Variants in PDE10A observed in about 807,000 individuals in gnomAD.
PDE10A encodes phosphodiesterase 10A, also known as cAMP and cAMP-inhibited cGMP 3',5'-cyclic phosphodiesterase 10A.
A neutral mutation model predicts 97.7 loss-of-function variants in PDE10A; 39 were observed. The ratio of observed to expected loss-of-function variants is 0.40; its 90% CI spans 0.31 to 0.52. The LOEUF (loss-of-function observed/expected upper bound fraction) is 0.52. Among genes scored for constraint, PDE10A ranks in the 20% least tolerant of loss-of-function variants. The probability of loss-of-function intolerance (pLI) is 0.56; values close to 1 mark genes in which losing one functional copy is unlikely to be tolerated. For synonymous variants in PDE10A, 371 were observed against 376.8 expected (o/e 0.98, Z 0.18); for missense variants, 731 against 1,047.8 (o/e 0.70, Z 4.17).
At chr6:165,955,366 C>T (rs1014110770) in intron 1 of PDE10A, among the ~76,000 whole-genome samples, 1 of 152,198 alleles carries the variant, frequency 6.6e-6, no homozygotes, top group Non-Finnish European at 1.5e-5. Flanking sequence ...TTCAGTCTCC[C>T]TGTATTCAGT....
intron 1 of PDE10A, among the ~76,000 whole-genome samples, chr6:165,733,371 G>A (rs1792487706): frequency 6.6e-6 from 1 of 152,178 alleles, no homozygotes; most frequent in Non-Finnish European, 1.5e-5. Flanking sequence ...TGCTGCCCTT[G>A]TGTAAACCAG....
intron 1 of PDE10A, among the ~76,000 whole-genome samples, chr6:165,792,944 C>CGGCA (rs1778698768): frequency 6.6e-6 from 1 of 152,102 alleles, no homozygotes; most frequent in Admixed American, 6.6e-5. Flanking sequence ...GGGTCAAGGC[C>CGGCA]GGCAGGCACA....
upstream of PDE10A, among the ~76,000 whole-genome samples, chr6:165,663,943 T>C (rs1790424104): frequency 6.6e-6 from 1 of 151,952 alleles, no homozygotes; most frequent in African/African-American, 2.4e-5. Context: ...CCGCCAGAAG[T>C]TTGGGGAAGT....
chr6:165,834,456 C>T (rs1322856045), intron 1 of PDE10A, among the ~76,000 whole-genome samples: 4 of 152,178 alleles, frequency 2.6e-5, no homozygotes, highest in Admixed American at 6.5e-5. Flanking sequence ...GTATCCTTCC[C>T]GCCTGGGAGT....
At chr6:165,635,992 T>C (rs933339480) in intron 1 of PDE10A, among the ~76,000 whole-genome samples, 3 of 152,238 alleles carry the variant, frequency 2.0e-5, no homozygotes, top group African/African-American at 7.2e-5. Flanking sequence ...AGTGTTATCA[T>C]TATGTAAGCA....
intron 19 of PDE10A, among the ~76,000 whole-genome samples, chr6:165,342,096 TATC>T (rs1438888843): frequency 6.6e-5 from 10 of 152,232 alleles, no homozygotes; most frequent in Admixed American, 5.2e-4. Context: ...AATTTTAACT[TATC>T]ATAGATTTTT....
At chr6:165,568,161 G>T (rs542134601) in intron 1 of PDE10A, among the ~76,000 whole-genome samples, 1 of 151,950 alleles carries the variant, frequency 6.6e-6, no homozygotes, top group Non-Finnish European at 1.5e-5. Flanking sequence ...ACCACGCCTG[G>T]CTAATTTTTT....
intron 1 of PDE10A, among the ~76,000 whole-genome samples, chr6:165,750,421 C>T (rs1328101838): frequency 2.0e-5 from 3 of 152,186 alleles, no homozygotes; most frequent in Non-Finnish European, 4.4e-5. Flanking sequence ...GGGTACCTGG[C>T]CCCCTGGCTG....
intron 1 of PDE10A, among the ~76,000 whole-genome samples, chr6:165,676,825 GC>G (rs1790810816): frequency 6.6e-6 from 1 of 152,086 alleles, no homozygotes; most frequent in Non-Finnish European, 1.5e-5. Flanking sequence ...ACTGGCGAGC[GC>G]CTCCCTTCCT....
intron 1 of PDE10A, among the ~76,000 whole-genome samples, chr6:165,936,270 G>C (rs1221129946): frequency 6.6e-6 from 1 of 152,052 alleles, no homozygotes; most frequent in Non-Finnish European, 1.5e-5. Flanking sequence ...CCAGAGGGAG[G>C]AATGTGATGA....
rs1027906614 is a variant in PDE10A, at chr6:165,543,653, AAGACCC to A, written c.866-91_866-86del. The A allele has an allele frequency of 3.9e-6, 4 of 1,027,936 alleles. No individual in the cohort carries two copies. In the African/African-American group the frequency reaches 6.5e-5, roughly 17 times the overall value. The allele number at this position is 1,027,936 out of a possible 1,614,324, so 63.7% of individuals were successfully genotyped here. A position where few individuals can be genotyped will look rare whatever the true frequency, so the allele number is the denominator to read the frequency against. ...GTATAGTATCACAACACATTATGCTAAGACCCAGCAACCTCTCATCTAACGGAGAGA... is the reference window on the plus strand; with the variant it reads ...GTATAGTATCACAACACATTATGCTAAGCAACCTCTCATCTAACGGAGAGA... On this transcript the variant is annotated intron_variant, in intron 1 of 21. Transcript: ENST00000539869.
At chr6:165,738,058 T>C (rs1307738677) in intron 1 of PDE10A, among the ~76,000 whole-genome samples, 1 of 151,756 alleles carries the variant, frequency 6.6e-6, no homozygotes, top group Non-Finnish European at 1.5e-5. Context: ...CATGTGCACA[T>C]TGTGCAGGTT....
chr6:165,706,280 C>G (rs529113401), intron 1 of PDE10A, among the ~76,000 whole-genome samples: 1 of 152,126 alleles, frequency 6.6e-6, no homozygotes, highest in Non-Finnish European at 1.5e-5. Flanking sequence ...AATGATTTCC[C>G]TTTGCCTTAA....
rs545745673 is a variant in PDE10A, at chr6:165,671,494, C to T, written c.-614-127926G>A. Among the ~76,000 whole-genome samples the T allele has an allele frequency of 2.1e-4, 32 of 152,266 alleles. No individual in the cohort carries two copies. Among genetic ancestry groups the T allele is most frequent in the African/African-American group, 7.2e-4 (30 of 41,550 alleles). ...ACCCAGGAAGAGGAAGCCAGCTGCTCATGCTGCCACCTTCCCGTTGGCTGC... is the reference window on the plus strand; with the variant it reads ...ACCCAGGAAGAGGAAGCCAGCTGCTTATGCTGCCACCTTCCCGTTGGCTGC... On this transcript the variant is annotated intron_variant, in intron 1 of 19. Coordinates refer to the PDE10A transcript ENST00000366882. This position sits in a 1 kb window ranked among gnomAD's most constrained non-coding sequence, Gnocchi z 4.6.
intron 1 of PDE10A, among the ~76,000 whole-genome samples, chr6:165,734,275 C>T (rs956578503): frequency 5.3e-5 from 8 of 152,126 alleles, no homozygotes; most frequent in Admixed American, 6.5e-5. Context: ...AGGTGACACG[C>T]CTGGGCCACC....
intron 1 of PDE10A, among the ~76,000 whole-genome samples, chr6:165,648,080 T>C (rs766928511): frequency 1.3e-5 from 2 of 152,188 alleles, no homozygotes; most frequent in Non-Finnish European, 2.9e-5. Flanking sequence ...GTGTGCAATC[T>C]TGGCTCACTG....
intron 1 of PDE10A, among the ~76,000 whole-genome samples, chr6:165,790,948 C>T (rs959669067): frequency 3.3e-5 from 5 of 152,100 alleles, no homozygotes; most frequent in East Asian, 1.9e-4. Flanking sequence ...AGCAGGCCTG[C>T]GGAGCTTACT....
At chr6:165,859,620 C>G (rs1456196646) in intron 1 of PDE10A, among the ~76,000 whole-genome samples, 2 of 152,228 alleles carry the variant, frequency 1.3e-5, no homozygotes, top group Non-Finnish European at 2.9e-5. Context: ...GTTCAGCTAC[C>G]TGGAAGCTCT....
At chr6:165,739,392 G>C (rs996003803) in intron 1 of PDE10A, among the ~76,000 whole-genome samples, 6 of 152,168 alleles carry the variant, frequency 3.9e-5, no homozygotes, top group Non-Finnish European at 5.9e-5. Flanking sequence ...TGGGAGAACG[G>C]ACAGTGTCTT....
Sources: gnomAD v4.1 joint callset for allele counts (sites outside exome capture counted in the v4.1 genomes callset) on GRCh38, gnomAD v4.1.1 for gene constraint, Gnocchi (gnomAD v3.1) non-coding constraint, MANE v1.5 for transcripts, NCBI Gene and HGNC (gene_info 2026-07-23, HGNC 2026-07-21) for gene names.